The following DGKB variants were observed in gnomAD, a reference collection of about 807,000 sequenced individuals.
DGKB encodes 90 kDa diacylglycerol kinase.
A neutral mutation model predicts 114.3 loss-of-function variants in DGKB; 67 were observed. The ratio of observed to expected loss-of-function variants is 0.59; its 90% CI spans 0.48 to 0.72. DGKB has a LOEUF of 0.72. Ranked by LOEUF, DGKB falls within the 30% of genes least tolerant of loss-of-function variation. The pLI is 0.00. For missense variants in DGKB, 907 were observed against 975.2 expected (o/e 0.93, Z 0.93); for synonymous variants, 398 against 323.1 (o/e 1.23, Z -2.49).
At chr7:14,450,061 G>C (rs2128835482) in intron 21 of DGKB, among the ~76,000 whole-genome samples, 1 of 151,616 alleles carries the variant, frequency 6.6e-6, no homozygotes, top group African/African-American at 2.4e-5. Flanking sequence ...ATGATATTTT[G>C]GATAAATTGT....
intron 23 of DGKB, among the ~76,000 whole-genome samples, chr7:14,205,690 G>T (rs1786676779): frequency 6.6e-6 from 1 of 151,850 alleles, no homozygotes; most frequent in Admixed American, 6.6e-5. Flanking sequence ...AATCACCCAA[G>T]TCCCTGCCCA....
rs374238421 is a variant in DGKB at position 14,757,710 on chromosome 7, T to C, written c.92A>G (p.Asp31Gly). The C allele has an allele frequency of 6.9e-5, 111 of 1,603,272 alleles. No homozygotes were observed. The highest frequency in any genetic ancestry group is 1.5e-4 in the Admixed American group (9 of 59,396). ...YAEYSTKKLK[D>G]VLEEFHGNGV... is the part of the protein sequence containing the mutation. ...ATTACCATGGAATTCTTCAAGAACATCCTTTAATTTCTTTGTAGAATCTAT... is the reference window on the plus strand; with the variant it reads ...ATTACCATGGAATTCTTCAAGAACACCCTTTAATTTCTTTGTAGAATCTAT... The change falls in exon 3 of 26, where the codon GAT (aspartate) becomes GGT (glycine). Residue 31 changes from aspartate to glycine, a missense_variant. Physicochemically the swap from Asp to Gly is moderately conservative, Grantham distance 94. Around this residue, in one of 3 missense-constraint regions of DGKB, gnomAD observed 814 missense variants for 856.6 expected, o/e 0.95. Transcript: ENST00000402815.
At chr7:14,646,782 C>A (rs911315215) in intron 13 of DGKB, among the ~76,000 whole-genome samples, 2 of 150,366 alleles carry the variant, frequency 1.3e-5, no homozygotes, top group East Asian at 1.9e-4. Context: ...AAAAAAAATT[C>A]TTGAAGACAT....
intron 23 of DGKB, among the ~76,000 whole-genome samples, chr7:14,335,766 T>C (rs1810536680): frequency 6.6e-6 from 1 of 152,198 alleles, no homozygotes; most frequent in Admixed American, 6.5e-5. Flanking sequence ...TTTTGTTTTT[T>C]TTAAGAGACA....
At chr7:14,732,565 A>AG (rs1012579975) in intron 5 of DGKB, among the ~76,000 whole-genome samples, 47 of 152,248 alleles carry the variant, frequency 3.1e-4, no homozygotes, top group African/African-American at 1.1e-3. Flanking sequence ...GGTCTGAAAA[A>AG]AAAATAGGGT....
At chr7:14,558,248 T>G (rs1434529559) in intron 20 of DGKB, among the ~76,000 whole-genome samples, 1 of 151,594 alleles carries the variant, frequency 6.6e-6, no homozygotes, top group African/African-American at 2.4e-5. Flanking sequence ...GAATTTTCTC[T>G]TAGTTTATAT....
chr7:14,243,288 G>A (rs139676469), intron 23 of DGKB, among the ~76,000 whole-genome samples: 45 of 152,226 alleles, frequency 3.0e-4, no homozygotes, highest in African/African-American at 1.1e-3. Context: ...TTGTGCAGTG[G>A]TGACTCTGGA....
chr7:14,819,484 G>A (rs143409398), intron 2 of DGKB, among the ~76,000 whole-genome samples: 267 of 152,258 alleles, frequency 1.8e-3, no homozygotes, highest in African/African-American at 5.9e-3. Context: ...CAGCTATTCG[G>A]GAGGCTGAGG....
At chr7:14,231,632 ATG>A (rs999646805) in intron 23 of DGKB, among the ~76,000 whole-genome samples, 2 of 151,560 alleles carry the variant, frequency 1.3e-5, no homozygotes, top group African/African-American at 4.8e-5. Flanking sequence ...GTGTGTGTGA[ATG>A]TGTGTGTGTA....
At chr7:14,704,807 A>T (rs1372991368) in intron 6 of DGKB, among the ~76,000 whole-genome samples, 1 of 152,114 alleles carries the variant, frequency 6.6e-6, no homozygotes, top group African/African-American at 2.4e-5. Flanking sequence ...TCCACACCAA[A>T]AACCCATCTG....
intron 1 of DGKB, among the ~76,000 whole-genome samples, chr7:14,968,312 C>G (rs1307711533): frequency 6.6e-6 from 1 of 151,842 alleles, no homozygotes; most frequent in Non-Finnish European, 1.5e-5. Flanking sequence ...AATCTTTGAT[C>G]TATTGTGTTT....
intron 1 of DGKB, among the ~76,000 whole-genome samples, chr7:14,929,022 TACACACACAC>T (rs3036022): frequency 6.1e-5 from 9 of 146,854 alleles, no homozygotes; most frequent in East Asian, 6.0e-4. Context: ...GCATTGTGTA[TACACACACAC>T]ACACACACAC....
chr7:14,701,284 A>G (rs1443529888), intron 7 of DGKB, among the ~76,000 whole-genome samples: 1 of 152,214 alleles, frequency 6.6e-6, no homozygotes, highest in African/African-American at 2.4e-5. Flanking sequence ...AACTGACTTT[A>G]TACATCCTTA....
At chr7:14,205,198 G>T (rs1219834971) in intron 23 of DGKB, among the ~76,000 whole-genome samples, 1 of 151,942 alleles carries the variant, frequency 6.6e-6, no homozygotes, top group African/African-American at 2.4e-5. Flanking sequence ...TCCATGTGGG[G>T]CTGAGGAAAC....
intron 15 of DGKB, among the ~76,000 whole-genome samples, chr7:14,619,107 G>A (rs977715088): frequency 6.6e-6 from 1 of 150,842 alleles, no homozygotes; most frequent in Non-Finnish European, 1.5e-5. Context: ...TTTCTGCTGA[G>A]GTACAACAGG....
chr7:14,514,078 A>G (rs537739995), intron 20 of DGKB, among the ~76,000 whole-genome samples: 1 of 152,216 alleles, frequency 6.6e-6, no homozygotes, highest in South Asian at 2.1e-4. Context: ...ATAAAATGCC[A>G]ATGGAAACCC....
chr7:14,841,935 G>C (rs1847989599), intron 1 of DGKB, among the ~76,000 whole-genome samples: 1 of 152,152 alleles, frequency 6.6e-6, no homozygotes, highest in African/African-American at 2.4e-5. Flanking sequence ...AAATTCAAAA[G>C]ATTGGCCAAA....
chr7:14,180,119 TACCACCACGATGATCACC>T (rs967243866), intron 23 of DGKB, among the ~76,000 whole-genome samples: 1 of 152,114 alleles, frequency 6.6e-6, no homozygotes, highest in African/African-American at 2.4e-5. Context: ...AAACAACAAC[TACCACCACGATGATCACC>T]ACCACCACAG....
chr7:14,709,163 A>G (rs922895152), intron 6 of DGKB, among the ~76,000 whole-genome samples: 2 of 152,104 alleles, frequency 1.3e-5, no homozygotes, highest in African/African-American at 4.8e-5. Context: ...AAGGACATGA[A>G]CAGACACTTC....
Sources: allele counts gnomAD v4.1 joint callset (sites outside exome capture counted in the v4.1 genomes callset), GRCh38; gene constraint gnomAD v4.1.1; regional missense constraint gnomAD v4.1.1; transcripts MANE v1.5; gene names NCBI Gene and HGNC (gene_info 2026-07-23, HGNC 2026-07-21).